SLC25A13: variants seen among roughly 807,000 people sequenced by gnomAD.
SLC25A13 encodes the protein solute carrier family 25 member 13.
A neutral mutation model predicts 85.5 loss-of-function variants in SLC25A13; 70 were observed. The observed-to-expected ratio is 0.82, with a 90% CI of 0.68 to 1.00. The LOEUF is 1.00. SLC25A13 is among the 50% of genes least tolerant of loss of function. The probability of loss-of-function intolerance (pLI) is 0.00; values close to 1 mark genes in which losing one functional copy is unlikely to be tolerated. For synonymous variants in SLC25A13, 259 were observed against 288.7 expected (o/e 0.90, Z 1.04); for missense variants, 765 against 819.8 (o/e 0.93, Z 0.82).
chr7:96,295,321 C>G (rs1799305816), intron 2 of SLC25A13, among the ~76,000 whole-genome samples: 1 of 152,056 alleles, frequency 6.6e-6, no homozygotes, highest in East Asian at 1.9e-4. Context: ...TGCACTCCAG[C>G]CTGGGCAACA....
chr7:96,150,281 G>T lies in SLC25A13; in HGVS notation c.1312-3585C>A, dbSNP rs189292675. Reference sequence around the variant, plus strand: ...TCAAAGTTTGTCCTAGAACTGCAAGGACACAAGATGCTTTATTCTCATTCT... The same window carrying T: ...TCAAAGTTTGTCCTAGAACTGCAAGTACACAAGATGCTTTATTCTCATTCT... On this transcript the variant is annotated intron_variant, in intron 13 of 17. Transcript: ENST00000265631. Among the ~76,000 whole-genome samples the T allele has an allele frequency of 3.3e-5, 5 of 152,120 alleles. No individual in the cohort carries two copies. In the East Asian group the frequency reaches 9.7e-4, roughly 29 times the overall value.
At chr7:96,215,291 T>TTCA in intron 4 of SLC25A13, among the ~76,000 whole-genome samples, 1 of 152,212 alleles carries the variant, frequency 6.6e-6, no homozygotes, top group East Asian at 1.9e-4. Context: ...GAGACAGGGT[T>TTCA]TCACCATGTT....
chr7:96,224,278 T>TC (rs1796250237), intron 4 of SLC25A13, among the ~76,000 whole-genome samples: 1 of 152,082 alleles, frequency 6.6e-6, no homozygotes, highest in African/African-American at 2.4e-5. Flanking sequence ...TCAGCAAAAA[T>TC]CATCTCTTCC....
At chr7:96,227,652 A>G (rs1471029293) in intron 4 of SLC25A13, among the ~76,000 whole-genome samples, 1 of 152,222 alleles carries the variant, frequency 6.6e-6, no homozygotes, top group Non-Finnish European at 1.5e-5. Flanking sequence ...ACTGCAGTGC[A>G]ATAAAGAAAA....
At chr7:96,292,847 A>G (rs1305297286) in intron 2 of SLC25A13, among the ~76,000 whole-genome samples, 1 of 152,238 alleles carries the variant, frequency 6.6e-6, no homozygotes, top group African/African-American at 2.4e-5. Context: ...GAAAATGGCC[A>G]TACTTCCCAA....
At chr7:96,183,832 T>C (rs545709239) in intron 11 of SLC25A13, among the ~76,000 whole-genome samples, 1 of 152,288 alleles carries the variant, frequency 6.6e-6, no homozygotes, top group African/African-American at 2.4e-5. Flanking sequence ...AAGGGGCAAC[T>C]TTAATTCAGG....
chr7:96,266,392 A>G (rs959129531), intron 3 of SLC25A13, among the ~76,000 whole-genome samples: 10 of 152,028 alleles, frequency 6.6e-5, no homozygotes, highest in South Asian at 2.1e-4. Flanking sequence ...AGTCTTTCCC[A>G]TTGGCATTCA....
chr7:96,147,847 C>T (rs752917445), intron 13 of SLC25A13, among the ~76,000 whole-genome samples: 9 of 151,958 alleles, frequency 5.9e-5, no homozygotes, highest in Non-Finnish European at 1.3e-4. Context: ...CACATTTCCC[C>T]CTGCCATCCC....
At chr7:96,160,527 A>G (rs1793466260) in intron 13 of SLC25A13, among the ~76,000 whole-genome samples, 1 of 152,204 alleles carries the variant, frequency 6.6e-6, no homozygotes, top group African/African-American at 2.4e-5. Context: ...TCTGGTGAGC[A>G]CTGCTTCCTG....
At chr7:96,213,311 A>G (rs1486458781) in intron 4 of SLC25A13, among the ~76,000 whole-genome samples, 1 of 152,186 alleles carries the variant, frequency 6.6e-6, no homozygotes, top group Admixed American at 6.5e-5. Flanking sequence ...TCCTTTTAGG[A>G]GGCACAAATA....
At chr7:96,147,082 TATCCAAATGAGGAGACACAGAAC>T (rs1416432537) in intron 13 of SLC25A13, among the ~76,000 whole-genome samples, 43 of 126,454 alleles carry the variant, frequency 3.4e-4, no homozygotes, top group African/African-American at 4.7e-4. Flanking sequence ...ACACAGAACG[TATCCAAATGAGGAGACACAGAAC>T]GTATCCAAAT....
intron 3 of SLC25A13, among the ~76,000 whole-genome samples, chr7:96,274,702 G>C (rs982560703): frequency 6.6e-6 from 1 of 152,162 alleles, no homozygotes; most frequent in Non-Finnish European, 1.5e-5. Context: ...GTAAGGAAGG[G>C]ATCCAGTTTC....
At chr7:96,134,793 TTATATA>T (rs10522412) in intron 14 of SLC25A13, among the ~76,000 whole-genome samples, 4 of 102,248 alleles carry the variant, frequency 3.9e-5, no homozygotes, top group African/African-American at 1.2e-4. Flanking sequence ...ACAAACAATT[TTATATA>T]TATATATATA....
At chr7:96,198,344 A>G (rs916911097) in intron 5 of SLC25A13, among the ~76,000 whole-genome samples, 18 of 152,206 alleles carry the variant, frequency 1.2e-4, no homozygotes, top group African/African-American at 4.3e-4. Context: ...AAAAACCTCT[A>G]AAGTCTCTTG....
At chr7:96,168,664 CACATAATTAATTTT>C (rs1793872549) in intron 13 of SLC25A13, among the ~76,000 whole-genome samples, 1 of 152,256 alleles carries the variant, frequency 6.6e-6, no homozygotes, top group Non-Finnish European at 1.5e-5. Context: ...TGAGTAGTAT[CACATAATTAATTTT>C]ACATTTTAAT....
At chr7:96,151,095 T>C (rs758629446) in intron 13 of SLC25A13, among the ~76,000 whole-genome samples, 16 of 152,066 alleles carry the variant, frequency 1.1e-4, no homozygotes, top group Non-Finnish European at 1.9e-4. Flanking sequence ...ACAGTGTGAT[T>C]AGGATTTTGG....
At chr7:96,230,947 G>GA (rs903236257) in intron 4 of SLC25A13, among the ~76,000 whole-genome samples, 2 of 152,008 alleles carry the variant, frequency 1.3e-5, no homozygotes, top group African/African-American at 2.4e-5. Context: ...TGTCTCTACT[G>GA]AAAAATACAA....
intron 3 of SLC25A13, among the ~76,000 whole-genome samples, chr7:96,251,981 G>A (rs1032335578): frequency 6.6e-6 from 1 of 152,190 alleles, no homozygotes; most frequent in African/African-American, 2.4e-5. Context: ...ATCCTTCACA[G>A]ATGAATACAG....
At chr7:96,248,127 A>G (rs575342192) in intron 3 of SLC25A13, among the ~76,000 whole-genome samples, 3 of 152,160 alleles carry the variant, frequency 2.0e-5, no homozygotes, top group Non-Finnish European at 2.9e-5. Flanking sequence ...TGTTTCTGAG[A>G]TACATCATAA....
Sources: allele counts gnomAD v4.1 joint callset (sites outside exome capture counted in the v4.1 genomes callset), GRCh38; gene constraint gnomAD v4.1.1; transcripts MANE v1.5; gene names NCBI Gene and HGNC (gene_info 2026-07-23, HGNC 2026-07-21).